FAT1: variants seen among roughly 807,000 people sequenced by gnomAD.
The protein encoded by FAT1 is FAT atypical cadherin 1, also known as protocadherin Fat 1.
Under a neutral mutation model 329.8 loss-of-function variants are expected in FAT1, and 171 were observed. The observed-to-expected ratio is 0.52, with a 90% CI of 0.46 to 0.59. FAT1 has a LOEUF of 0.59. Ranked by LOEUF, FAT1 falls within the 20% of genes least tolerant of loss-of-function variation. FAT1 has a pLI of 0.00. For synonymous variants in FAT1, 2,233 were observed against 2,228.6 expected, an observed-to-expected ratio of 1.00 and a Z score of -0.06; for missense variants, 5,672 against 5,774.4, an observed-to-expected ratio of 0.98 and a Z score of 0.57.
Position 186,596,229 on chromosome 4 carries a change from G to A in FAT1, c.13000+311C>T, listed in dbSNP as rs528848745. On this transcript the variant is annotated intron_variant, in intron 25 of 26. Coordinates refer to ENST00000441802, the MANE Select transcript of FAT1 (RefSeq NM_005245.4). The surrounding 1 kb of genome is among the most constrained non-coding windows in gnomAD (Gnocchi z 4.7). ...AAAATCCTAGCATGAAAATGCTCCC[G>A]ATTATTTTTTTGACATATTAATAAA... is the stretch of plus-strand genomic sequence containing the variant. Among the ~76,000 whole-genome samples, 36 of 152,110 alleles carry A rather than the reference G, an allele frequency of 2.4e-4. No homozygotes were observed. The highest frequency in any genetic ancestry group is 3.8e-4 in the Non-Finnish European group (26 of 68,004).
rs750302176 is a variant in FAT1 at position 186,619,976 on chromosome 4, C to T, written c.6610G>A (p.Val2204Met). The change falls in exon 10 of 27, where the codon GTG (valine) becomes ATG (methionine). Residue 2204 changes from valine to methionine, a missense_variant. Physicochemically the swap from Val to Met is conservative, Grantham distance 21 (BLOSUM62 1). Transcript: ENST00000441802. ...SIQVHSPVVH[V>M]QANSPEGLKV... ...AGGCCTTCCGGGCTGTTAGCCTGCA[C>T]GTGGACCACAGGGCTGTGCACCTGG... is the stretch of plus-strand genomic sequence containing the variant. 28 of 1,613,836 alleles carry T rather than the reference C, an allele frequency of 1.7e-5. No individual in the cohort carries two copies. Among genetic ancestry groups the T allele is most frequent in the South Asian group, 4.4e-5 (4 of 91,084 alleles).
At chr4:186,678,004 C>G (rs1743032895) in intron 2 of FAT1, among the ~76,000 whole-genome samples, 1 of 152,140 alleles carries the variant, frequency 6.6e-6, no homozygotes, top group African/African-American at 2.4e-5. Flanking sequence ...CCTTAACTTT[C>G]TCTGAGAGCA....
intron 2 of FAT1, among the ~76,000 whole-genome samples, chr4:186,705,252 T>C (rs935599964): frequency 1.3e-5 from 2 of 152,080 alleles, no homozygotes; most frequent in African/African-American, 4.8e-5. Flanking sequence ...CCCAAAATAA[T>C]GTTTTTCTAA....
Position 186,596,277 on chromosome 4 carries a change from C to A in FAT1, c.13000+263G>T, listed in dbSNP as rs1029810740. Among the ~76,000 whole-genome samples, 24 of 152,158 alleles carry A rather than the reference C, an allele frequency of 1.6e-4. No individual in the cohort carries two copies. Among genetic ancestry groups the A allele is most frequent in the African/African-American group, 5.8e-4 (24 of 41,494 alleles). The stretch of plus-strand genomic sequence containing the variant: ...AAACTCAAAAAATTATAGATGAGAA[C>A]CTTTATCAATTATAAAATGAAATGA... On this transcript the variant is annotated intron_variant, in intron 25 of 26. Transcript: ENST00000441802. This position sits in a 1 kb window ranked among gnomAD's most constrained non-coding sequence, Gnocchi z 4.7.
Position 186,618,244 on chromosome 4 carries a change from C to A in FAT1, c.8342G>T (p.Arg2781Met), listed in dbSNP as rs779253698. The A allele has an allele frequency of 6.2e-7, 1 of 1,613,902 alleles. No individual in the cohort carries two copies. The highest frequency in any genetic ancestry group is 8.5e-7 in the Non-Finnish European group (1 of 1,179,904). ...CATCTCATGGTCATCTTGAGTGCAC[C>A]TGGCCAGTATGGAAAACTGATACCA... ...TKWYQFSILARCTQDDHEMVA... is the reference protein window; with the variant it reads ...TKWYQFSILAMCTQDDHEMVA... The change falls in exon 10 of 27, where the codon AGG becomes ATG. Residue 2781 changes from arginine (R) to methionine (M), a missense_variant. By Grantham distance (91) the Arg-to-Met change is moderately conservative. Transcript: ENST00000441802.
rs1739445370 is a variant in FAT1, at chr4:186,611,550, A to G, written c.9689T>C (p.Phe3230Ser). 6.2e-7 allele frequency: 1 copy of G among 1,613,964 alleles called. No homozygotes were observed. The highest frequency in any genetic ancestry group is 8.5e-7 in the Non-Finnish European group (1 of 1,179,870). The change falls in exon 14 of 27, where the codon TTT (phenylalanine) becomes TCT (serine). Residue 3230 changes from phenylalanine to serine, a missense_variant. Coordinates refer to ENST00000441802, the MANE Select transcript of FAT1 (RefSeq NM_005245.4). ...VLDINDNPPV[F>S]EYREYGATVS... ...GGTGGCACCATATTCACGGTACTCA[A>G]ACACAGGGGGGTTGTCATTTATGTC...
chr4:186,629,326 T>C (rs1246451426), intron 7 of FAT1, among the ~76,000 whole-genome samples: 3 of 152,224 alleles, frequency 2.0e-5, no homozygotes, highest in African/African-American at 4.8e-5. Context: ...CCTACATCTA[T>C]GTAGTAAATA....
At chr4:186,696,509 C>T (rs544094780) in intron 2 of FAT1, among the ~76,000 whole-genome samples, 4 of 152,250 alleles carry the variant, frequency 2.6e-5, no homozygotes, top group Admixed American at 6.5e-5. Flanking sequence ...GGCAGCTACT[C>T]GGTACCAGCC....
chr4:186,704,506 G>A (rs1744478349), intron 2 of FAT1, among the ~76,000 whole-genome samples: 1 of 152,170 alleles, frequency 6.6e-6, no homozygotes, highest in Non-Finnish European at 1.5e-5. Flanking sequence ...AAGTCATGAA[G>A]AGAATTTAAA....
Position 186,628,661 on chromosome 4 carries a change from A to T in FAT1, c.4426T>A (p.Leu1476Met). The T allele has an allele frequency of 6.2e-7, 1 of 1,613,994 alleles. No homozygotes were observed. The highest frequency in any genetic ancestry group is 2.2e-5 in the East Asian group (1 of 44,878). The change falls in exon 8 of 27, where the codon TTG (leucine) becomes ATG (methionine). Residue 1476 changes from leucine (L) to methionine (M), a missense_variant. Leu to Met is a conservative substitution (Grantham distance 15). Around this residue, in one of 2 missense-constraint regions of FAT1, gnomAD observed 3,966 missense variants for 3,915.2 expected, o/e 1.01. Transcript: ENST00000441802. ...PEDTAPETEI[L>M]QISAVDQDEK... is the part of the protein sequence containing the mutation. Reference sequence around the variant, plus strand: ...TCCTGATCCACAGCACTGATTTGCAAAATTTCTGTTTCTGGCGCTGTATCT... The same window carrying T: ...TCCTGATCCACAGCACTGATTTGCATAATTTCTGTTTCTGGCGCTGTATCT...
intron 9 of FAT1, among the ~76,000 whole-genome samples, chr4:186,622,890 C>T (rs1323772761): frequency 6.6e-6 from 1 of 152,224 alleles, no homozygotes; most frequent in Admixed American, 6.5e-5. Context: ...TCACTTGCCA[C>T]TTAACTGCTT....
At chr4:186,607,762 G>C (rs1263665852) in intron 16 of FAT1, among the ~76,000 whole-genome samples, 9 of 151,994 alleles carry the variant, frequency 5.9e-5, no homozygotes, top group Admixed American at 6.5e-5. Context: ...TAACTGGATG[G>C]ATGAATGGAT....
At chr4:186,635,971 A>G (rs1740798115) in intron 6 of FAT1, 54 bp downstream of exon 6, 2 of 1,475,216 alleles carry the variant, frequency 1.4e-6, no homozygotes, top group African/African-American at 2.8e-5. Flanking sequence ...AACCGTATGC[A>G]GGTTCTCCTC....
intron 2 of FAT1, among the ~76,000 whole-genome samples, chr4:186,703,616 A>G (rs574626359): frequency 6.6e-6 from 1 of 152,368 alleles, no homozygotes; most frequent in South Asian, 2.1e-4. Context: ...GCACAGGCTC[A>G]TATTAATTAG....
chr4:186,724,038 G>A (rs558233736), upstream of FAT1, among the ~76,000 whole-genome samples: 10 of 151,846 alleles, frequency 6.6e-5, no homozygotes, highest in African/African-American at 2.4e-4. The surrounding 1 kb of genome is among the most constrained non-coding windows in gnomAD (Gnocchi z 5.3). Context: ...CGTGCTGGGA[G>A]ACGAGAAGGC....
At position 186,645,405 on chromosome 4, in the gene FAT1, ATATATATATATATATAT is replaced by A. The variant is rs1560962467; in HGVS notation, c.3581-5639_3581-5623del. 3.3e-4 allele frequency among the ~76,000 whole-genome samples: 34 copies of A among 103,028 alleles called. 1 individual carries two copies. The highest frequency in any genetic ancestry group is 1.3e-3 in the African/African-American group (34 of 26,572). The allele number at this position is 103,028 out of a possible 152,430, so 67.6% of individuals were successfully genotyped here. A position where few individuals can be genotyped will look rare whatever the true frequency, so the allele number is the denominator to read the frequency against. On this transcript the variant is annotated intron_variant, in intron 3 of 26. Coordinates refer to ENST00000441802, the MANE Select transcript of FAT1 (RefSeq NM_005245.4). ...TATATATATATATATATATATATAT[ATATATATATATATATAT>A]GCCTGTAAAAAACTGAGATATATCC... is the stretch of plus-strand genomic sequence containing the variant.
At chr4:186,685,058 C>A (rs886675517) in intron 2 of FAT1, among the ~76,000 whole-genome samples, 3 of 152,110 alleles carry the variant, frequency 2.0e-5, no homozygotes, top group African/African-American at 7.2e-5. Flanking sequence ...AGTCTCAAAG[C>A]CAGAGTGACA....
rs377024742 is a variant in FAT1, at chr4:186,610,059, C to G, written c.9854-44G>C. The G allele has an allele frequency of 1.9e-3, 2,193 of 1,173,850 alleles. 3 individuals are homozygous for G. Among genetic ancestry groups the G allele is most frequent in the Non-Finnish European group, 2.5e-3 (1,979 of 792,878 alleles). The allele number at this position is 1,173,850 out of a possible 1,614,324, so 72.7% of individuals were successfully genotyped here. A position where few individuals can be genotyped will look rare whatever the true frequency, so the allele number is the denominator to read the frequency against. Reference sequence around the variant, plus strand: ...TACTTCCAGCATTCTGCAATGCCACCACATTTTCCCACTATGACTGAAATA... The same window carrying G: ...TACTTCCAGCATTCTGCAATGCCACGACATTTTCCCACTATGACTGAAATA... On this transcript the variant is annotated intron_variant, in intron 14 of 26. Transcript: ENST00000441802.
At chr4:186,640,010 T>C (rs556293363) in intron 3 of FAT1, among the ~76,000 whole-genome samples, 4 of 152,176 alleles carry the variant, frequency 2.6e-5, no homozygotes, top group Non-Finnish European at 5.9e-5. Flanking sequence ...GGCGCGTGAC[T>C]GTAATCCCAG....
Sources: gnomAD v4.1 joint callset for allele counts (sites outside exome capture counted in the v4.1 genomes callset) on GRCh38, gnomAD v4.1.1 for gene constraint, gnomAD v4.1.1 regional missense constraint, Gnocchi (gnomAD v3.1) non-coding constraint, MANE v1.5 for transcripts, NCBI Gene and HGNC (gene_info 2026-07-23, HGNC 2026-07-21) for gene names.